Variants in NRXN1 observed in about 807,000 individuals in gnomAD.
NRXN1 encodes the protein neurexin 1, also known as neurexin-1.
Under a neutral mutation model 150.9 loss-of-function variants are expected in NRXN1, and 39 were observed. The ratio of observed to expected loss-of-function variants is 0.26; its 90% confidence interval spans 0.20 to 0.34. NRXN1 has a LOEUF of 0.34. Among genes scored for constraint, NRXN1 ranks in the 10% least tolerant of loss-of-function variants. The pLI is 1.00. For synonymous variants in NRXN1, 924 were observed against 757.0 expected (o/e 1.22, Z -3.62); for missense variants, 1,815 against 1,949.9 (o/e 0.93, Z 1.30).
At chr2:50,312,692 C>T (rs1275429734) in intron 17 of NRXN1, 1 of 508,308 alleles carries the variant, frequency 2.0e-6, no homozygotes, top group Admixed American at 2.0e-5. Context: ...GTCACATCCT[C>T]TCATCTAGTC....
chr2:50,311,511 T>C (rs1028086248), intron 17 of NRXN1, among the ~76,000 whole-genome samples: 8 of 152,098 alleles, frequency 5.3e-5, no homozygotes, highest in Admixed American at 2.6e-4. Context: ...CCTGGATAGA[T>C]GAATTCTAGA....
chr2:50,925,540 C>T (rs571537597), intron 3 of NRXN1, among the ~76,000 whole-genome samples: 2 of 151,794 alleles, frequency 1.3e-5, no homozygotes, highest in South Asian at 4.2e-4. Flanking sequence ...TGAGATAATG[C>T]TAAATTTTGC....
rs138271729 is a variant in NRXN1, at chr2:50,868,769, C to T, written c.832+53100G>A. Among the ~76,000 whole-genome samples the T allele has an allele frequency of 4.3e-4, 66 of 151,874 alleles. 1 individual carries two copies. The East Asian group carries it at 0.012, about 28-fold the overall frequency. On this transcript the variant is annotated intron_variant, in intron 5 of 22. Transcript: ENST00000401669. ...TTATTTCCATGTTGGCAATAGTTCTCTTCTCCTAATGGTCATTTGAGGAAA... is the reference window on the plus strand; with the variant it reads ...TTATTTCCATGTTGGCAATAGTTCTTTTCTCCTAATGGTCATTTGAGGAAA...
At chr2:50,502,104 G>A (rs1029630488) in intron 13 of NRXN1, among the ~76,000 whole-genome samples, 2 of 151,936 alleles carry the variant, frequency 1.3e-5, no homozygotes, top group Non-Finnish European at 2.9e-5. Context: ...TGCCACATTT[G>A]GAAGCCTTTT....
intron 10 of NRXN1, 119 bp from the exon 11 acceptor site, chr2:50,531,549 A>G: frequency 1.4e-6 from 1 of 731,268 alleles, no homozygotes; most frequent in South Asian, 1.9e-5. Flanking sequence ...ATACTACAAA[A>G]TCAATTCATC....
At chr2:50,265,995 A>ATTTTT (rs1491084411) in intron 17 of NRXN1, among the ~76,000 whole-genome samples, 20 of 76,834 alleles carry the variant, frequency 2.6e-4, no homozygotes, top group African/African-American at 1.5e-3. Context: ...TATTATTATT[A>ATTTTT]TTATTTATTT....
At chr2:50,596,183 A>G (rs1365263720) in intron 8 of NRXN1, among the ~76,000 whole-genome samples, 3 of 152,116 alleles carry the variant, frequency 2.0e-5, no homozygotes, top group African/African-American at 7.2e-5. Flanking sequence ...ATAAAAATAC[A>G]TTGCTTCTTT....
At chr2:50,076,881 CA>C (rs1558825856) in intron 19 of NRXN1, among the ~76,000 whole-genome samples, 2 of 152,200 alleles carry the variant, frequency 1.3e-5, no homozygotes, top group African/African-American at 4.8e-5. Context: ...AGTGGTATCA[CA>C]ACCTTAGCAC....
At chr2:50,991,633 A>G (rs1318144837) in intron 2 of NRXN1, among the ~76,000 whole-genome samples, 1 of 152,160 alleles carries the variant, frequency 6.6e-6, no homozygotes, top group East Asian at 1.9e-4. Flanking sequence ...GCATTTGTCA[A>G]TGAGGCCTTT....
Position 50,465,461 on chromosome 2 carries a change from A to G in NRXN1, c.3345T>C (p.Ser1115=). Residue 1115 remains serine (S), a synonymous_variant, in exon 17 of 23, where the codon AGT becomes AGC. Transcript: ENST00000401669. The part of the protein sequence containing the change: ...FSCDCSMTSF[S]GPLCNDPGTT... Reference sequence around the variant, plus strand: ...ACTTACGGTCATTGCAGAGTGGTCCACTGAAGGAAGTCATACTACAGTCAC... The same window carrying G: ...ACTTACGGTCATTGCAGAGTGGTCCGCTGAAGGAAGTCATACTACAGTCAC... 1 of 1,610,170 alleles carries G rather than the reference A, an allele frequency of 6.2e-7. No homozygotes were observed. Among genetic ancestry groups the G allele is most frequent in the Non-Finnish European group, 8.5e-7 (1 of 1,177,788 alleles).
chr2:50,098,151 C>G (rs562652731), intron 18 of NRXN1, among the ~76,000 whole-genome samples: 2 of 152,190 alleles, frequency 1.3e-5, no homozygotes, highest in East Asian at 3.9e-4. Context: ...CCTATTTTCT[C>G]CATTAAATAG....
intron 18 of NRXN1, among the ~76,000 whole-genome samples, chr2:50,132,267 T>C (rs187509161): frequency 1.3e-5 from 2 of 151,940 alleles, no homozygotes; most frequent in African/African-American, 4.8e-5. Flanking sequence ...ATATGCTGTG[T>C]CATACGTTTC....
chr2:50,063,819 A>G (rs897856174), intron 19 of NRXN1, among the ~76,000 whole-genome samples: 1 of 152,120 alleles, frequency 6.6e-6, no homozygotes, highest in African/African-American at 2.4e-5. Flanking sequence ...GTCTTGTTCA[A>G]TGCTGTACGC....
chr2:50,924,912 T>G (rs1686632502), intron 3 of NRXN1, among the ~76,000 whole-genome samples: 1 of 151,742 alleles, frequency 6.6e-6, no homozygotes, highest in South Asian at 2.1e-4. Context: ...TATTTATCTG[T>G]AACCTGGGAT....
intron 5 of NRXN1, among the ~76,000 whole-genome samples, chr2:50,724,514 C>A (rs939786298): frequency 3.9e-5 from 6 of 151,996 alleles, no homozygotes; most frequent in African/African-American, 1.4e-4. Flanking sequence ...ATTAAACTAC[C>A]TGATGCATAT....
intron 2 of NRXN1, among the ~76,000 whole-genome samples, chr2:50,996,760 C>T (rs1558557355): frequency 6.6e-6 from 1 of 151,992 alleles, no homozygotes; most frequent in Non-Finnish European, 1.5e-5. Flanking sequence ...ACTCAGTCAA[C>T]AGCCACTCTA....
chr2:50,268,882 C>A (rs1226346744), intron 17 of NRXN1, among the ~76,000 whole-genome samples: 1 of 152,144 alleles, frequency 6.6e-6, no homozygotes, highest in Non-Finnish European at 1.5e-5. Context: ...CTCTGAGTTG[C>A]AAACGCAGTT....
chr2:50,719,774 C>T (rs757050796), intron 5 of NRXN1, among the ~76,000 whole-genome samples: 2 of 152,154 alleles, frequency 1.3e-5, no homozygotes, highest in Non-Finnish European at 2.9e-5. Context: ...TGAGAAATTG[C>T]ACATAACTCA....
intron 5 of NRXN1, among the ~76,000 whole-genome samples, chr2:50,906,221 G>A (rs1048257885): frequency 5.9e-5 from 9 of 152,038 alleles, no homozygotes; most frequent in African/African-American, 2.2e-4. Flanking sequence ...TACATACGAG[G>A]AGAAAATATA....
Sources: gnomAD v4.1 joint callset for allele counts (sites outside exome capture counted in the v4.1 genomes callset) on GRCh38, gnomAD v4.1.1 for gene constraint, MANE v1.5 for transcripts, NCBI Gene and HGNC (gene_info 2026-07-23, HGNC 2026-07-21) for gene names.